KCNIP4: variants seen among roughly 807,000 people sequenced by gnomAD.
KCNIP4 encodes the protein Kv channel-interacting protein 4.
KCNIP4 carries 12 observed loss-of-function variants against 34.0 expected under a neutral mutation model. The observed-to-expected ratio is 0.35, with a 90% CI of 0.23 to 0.57. The LOEUF (loss-of-function observed/expected upper bound fraction) is 0.57, where lower values mean the gene tolerates loss of function less well. Among genes scored for constraint, KCNIP4 ranks in the 20% least tolerant of loss-of-function variants. The pLI, the probability that KCNIP4 is intolerant of heterozygous loss-of-function variation, is 0.83. For synonymous variants in KCNIP4, 124 were observed against 102.2 expected (o/e 1.21, Z -1.29); for missense variants, 238 against 311.7 (o/e 0.76, Z 1.78).
At position 20,899,887 on chromosome 4, in the gene KCNIP4, T is replaced by C. The variant is rs115105743; in HGVS notation, c.62-17178A>G. On this transcript the variant is annotated intron_variant, in intron 1 of 8. Transcript: ENST00000382152. ...AACATGATCCCTGTGTAATTCACTCTGACTAGGCTTCATCCTAAACACAGT... is the reference window on the plus strand; with the variant it reads ...AACATGATCCCTGTGTAATTCACTCCGACTAGGCTTCATCCTAAACACAGT... Among the ~76,000 whole-genome samples, 285 of 152,316 alleles carry C rather than the reference T, an allele frequency of 1.9e-3. 1 individual carries two copies. The highest frequency in any genetic ancestry group is 6.6e-3 in the African/African-American group (274 of 41,582).
At chr4:20,935,485 G>A (rs1048078187) in intron 1 of KCNIP4, among the ~76,000 whole-genome samples, 4 of 152,100 alleles carry the variant, frequency 2.6e-5, no homozygotes, top group Admixed American at 6.6e-5. Context: ...TCTTAGAAAT[G>A]TATCAAGATA....
chr4:21,718,837 G>A (rs1027557288), intron 1 of KCNIP4: 1 of 152,092 alleles, frequency 6.6e-6, no homozygotes, highest in Non-Finnish European at 1.5e-5. Context: ...ATTTTAATTA[G>A]CAAATCTATT....
chr4:20,835,463 A>T (rs185321449), intron 3 of KCNIP4, among the ~76,000 whole-genome samples: 1,636 of 151,888 alleles, frequency 0.011, 30 homozygotes, highest in African/African-American at 0.038. Flanking sequence ...TTATTATTTT[A>T]AAAAAACCTA....
At chr4:20,865,134 T>C (rs746702705) in intron 2 of KCNIP4, among the ~76,000 whole-genome samples, 22 of 152,104 alleles carry the variant, frequency 1.4e-4, no homozygotes, top group Non-Finnish European at 2.6e-4. Flanking sequence ...GAAGAAAGGA[T>C]GTAACTGATG....
At chr4:20,829,599 A>G (rs566054879) in intron 3 of KCNIP4, among the ~76,000 whole-genome samples, 1 of 152,210 alleles carries the variant, frequency 6.6e-6, no homozygotes, top group African/African-American at 2.4e-5. Context: ...TTTTTTCTAT[A>G]ATATACTTTT....
In KCNIP4 at chr4:20,798,781, T is replaced by G. The variant is rs942566049; in HGVS notation, c.289-39891A>C. ...TAAAGACGACCCCAGCAATTCTGAT[T>G]GCCACTGCAGACACCTGCAGCCTTT... On this transcript the variant is annotated intron_variant, in intron 3 of 8. Transcript: ENST00000382152. 3.9e-5 allele frequency among the ~76,000 whole-genome samples: 6 copies of G among 152,142 alleles called. No homozygotes were observed. In the South Asian group the frequency reaches 1.2e-3, roughly 32 times the overall value.
chr4:21,614,833 G>A (rs928287570), intron 1 of KCNIP4, among the ~76,000 whole-genome samples: 1 of 152,096 alleles, frequency 6.6e-6, no homozygotes, highest in African/African-American at 2.4e-5. Context: ...TCTGGGAAAG[G>A]AGTCTTAATC....
chr4:21,694,492 C>T (rs1470518470), intron 1 of KCNIP4, among the ~76,000 whole-genome samples: 1 of 151,998 alleles, frequency 6.6e-6, no homozygotes, highest in Non-Finnish European at 1.5e-5. Flanking sequence ...GTAAAATACA[C>T]TCTTTGAGAA....
intron 1 of KCNIP4, among the ~76,000 whole-genome samples, chr4:21,704,823 G>C (rs183044582): frequency 6.6e-6 from 1 of 152,116 alleles, no homozygotes; most frequent in South Asian, 2.1e-4. Context: ...TTAAAATTCC[G>C]AACATACATC....
At chr4:21,789,901 T>C (rs998816388) in intron 1 of KCNIP4, among the ~76,000 whole-genome samples, 1 of 152,228 alleles carries the variant, frequency 6.6e-6, no homozygotes, top group African/African-American at 2.4e-5. Context: ...CAGATTCAGT[T>C]TGCGTTTGTT....
chr4:20,856,624 A>G (rs1006085847), intron 2 of KCNIP4, among the ~76,000 whole-genome samples: 6 of 152,218 alleles, frequency 3.9e-5, no homozygotes, highest in Non-Finnish European at 7.3e-5. Context: ...TGGTAAACAA[A>G]GGATATTCCT....
At chr4:21,012,119 C>G (rs1472241392) in intron 1 of KCNIP4, among the ~76,000 whole-genome samples, 1 of 152,220 alleles carries the variant, frequency 6.6e-6, no homozygotes, top group African/African-American at 2.4e-5. Flanking sequence ...TTCCACCACT[C>G]CAATAGGACA....
At chr4:21,094,932 C>A (rs1747331695) in intron 1 of KCNIP4, among the ~76,000 whole-genome samples, 1 of 152,124 alleles carries the variant, frequency 6.6e-6, no homozygotes, top group Non-Finnish European at 1.5e-5. Context: ...GTTTCCAGAG[C>A]CTGAGTCCTT....
chr4:21,780,756 T>C (rs1719527082), intron 1 of KCNIP4, among the ~76,000 whole-genome samples: 2 of 152,192 alleles, frequency 1.3e-5, no homozygotes, highest in African/African-American at 4.8e-5. Context: ...CACACACCTG[T>C]GGATTAAAAC....
At chr4:21,383,163 C>A (rs898473227) in intron 1 of KCNIP4, among the ~76,000 whole-genome samples, 17 of 152,110 alleles carry the variant, frequency 1.1e-4, no homozygotes, top group African/African-American at 4.1e-4. Context: ...GAGTGAGGTA[C>A]CCAAAGAAAC....
chr4:21,799,940 G>C (rs1459241122), intron 1 of KCNIP4, among the ~76,000 whole-genome samples: 1 of 152,160 alleles, frequency 6.6e-6, no homozygotes, highest in African/African-American at 2.4e-5. Flanking sequence ...AGTTGTGACC[G>C]TGACTATACG....
intron 1 of KCNIP4, among the ~76,000 whole-genome samples, chr4:21,324,968 T>G (rs1714886492): frequency 6.6e-6 from 1 of 152,004 alleles, no homozygotes; most frequent in Non-Finnish European, 1.5e-5. Flanking sequence ...GTAGAGATCT[T>G]TCACTTCCTT....
intron 1 of KCNIP4, among the ~76,000 whole-genome samples, chr4:21,449,713 A>G (rs891192678): frequency 2.0e-4 from 31 of 151,978 alleles, no homozygotes; most frequent in Admixed American, 5.9e-4. Context: ...AAACTCCATA[A>G]GTGCAGCAAT....
intron 1 of KCNIP4, among the ~76,000 whole-genome samples, chr4:21,038,682 A>C (rs1325723228): frequency 6.6e-6 from 1 of 152,264 alleles, no homozygotes; most frequent in Non-Finnish European, 1.5e-5. Flanking sequence ...AAATAGGATA[A>C]GTTATAAATA....
Sources: gnomAD v4.1 joint callset for allele counts (sites outside exome capture counted in the v4.1 genomes callset) on GRCh38, gnomAD v4.1.1 for gene constraint, MANE v1.5 for transcripts, NCBI Gene and HGNC (gene_info 2026-07-23, HGNC 2026-07-21) for gene names.